Variants in LRRC4C observed in about 807,000 individuals in gnomAD.
LRRC4C encodes leucine-rich repeat-containing protein 4C.
Under a neutral mutation model 33.6 loss-of-function variants are expected in LRRC4C, and 5 were observed. The observed-to-expected ratio is 0.15, with a 90% CI of 0.08 to 0.31. The LOEUF is 0.31. Ranked by LOEUF, LRRC4C falls within the 10% of genes least tolerant of loss-of-function variation. The probability of loss-of-function intolerance (pLI) is 1.00; values close to 1 mark genes in which losing one functional copy is unlikely to be tolerated. For missense variants in LRRC4C, 560 were observed against 796.7 expected, an observed-to-expected ratio of 0.70 and a Z score of 3.58; for synonymous variants, 329 against 302.0, an observed-to-expected ratio of 1.09 and a Z score of -0.93.
At chr11:41,119,544 T>C (rs954955307) in intron 1 of LRRC4C, among the ~76,000 whole-genome samples, 47 of 152,170 alleles carry the variant, frequency 3.1e-4, no homozygotes, top group African/African-American at 1.1e-3. Context: ...TGTTGGAGAA[T>C]CCCTCAAACG....
intron 1 of LRRC4C, among the ~76,000 whole-genome samples, chr11:41,077,299 C>T (rs1939225437): frequency 6.6e-6 from 1 of 152,206 alleles, no homozygotes; most frequent in Non-Finnish European, 1.5e-5. Context: ...CACATTTCTC[C>T]TCCTCACTGA....
At chr11:40,916,053 G>A (rs987996816) in intron 2 of LRRC4C, among the ~76,000 whole-genome samples, 3 of 152,166 alleles carry the variant, frequency 2.0e-5, no homozygotes, top group African/African-American at 7.2e-5. Flanking sequence ...AACAACAGGT[G>A]CTGGAGAGGA....
chr11:41,260,305 T>C (rs1019019130), intron 1 of LRRC4C, among the ~76,000 whole-genome samples: 78 of 151,882 alleles, frequency 5.1e-4, no homozygotes, highest in African/African-American at 1.8e-3. Context: ...GCTTGGAAAA[T>C]AGGATATGTG....
At chr11:41,078,012 G>T (rs1939283539) in intron 1 of LRRC4C, among the ~76,000 whole-genome samples, 1 of 152,158 alleles carries the variant, frequency 6.6e-6, no homozygotes, top group Non-Finnish European at 1.5e-5. Context: ...TAGGGCAGGG[G>T]CAAAACGCCA....
At chr11:41,404,997 A>C (rs1448311932) in intron 1 of LRRC4C, among the ~76,000 whole-genome samples, 1 of 152,110 alleles carries the variant, frequency 6.6e-6, no homozygotes, top group African/African-American at 2.4e-5. Context: ...GCGATATTTA[A>C]ATCTTCAGTG....
At chr11:40,733,225 G>A (rs1271294062) in intron 2 of LRRC4C, among the ~76,000 whole-genome samples, 2 of 151,494 alleles carry the variant, frequency 1.3e-5, no homozygotes, top group East Asian at 2.0e-4. Context: ...ACAGGCGCCT[G>A]CCACCACACC....
intron 1 of LRRC4C, among the ~76,000 whole-genome samples, chr11:41,378,456 G>A (rs1179342250): frequency 4.6e-5 from 7 of 152,054 alleles, no homozygotes; most frequent in African/African-American, 7.2e-5. Context: ...TAGAAAACCT[G>A]TTCTAAAAGC....
At chr11:41,004,846 C>T (rs1312051454) in intron 1 of LRRC4C, among the ~76,000 whole-genome samples, 6 of 152,056 alleles carry the variant, frequency 3.9e-5, no homozygotes, top group African/African-American at 1.4e-4. Flanking sequence ...GTATACACTA[C>T]CAATGGCTCT....
intron 1 of LRRC4C, among the ~76,000 whole-genome samples, chr11:41,289,124 G>A (rs1347882921): frequency 6.6e-6 from 1 of 152,118 alleles, no homozygotes; most frequent in South Asian, 2.1e-4. Context: ...ACAGGGCATG[G>A]ATACCAGGGT....
chr11:41,019,577 A>T (rs1855817402), intron 1 of LRRC4C, among the ~76,000 whole-genome samples: 1 of 152,028 alleles, frequency 6.6e-6, no homozygotes, highest in Admixed American at 6.6e-5. Context: ...CTGACTCTAG[A>T]TCCTTGAGGA....
At chr11:40,640,860 C>G (rs1942070116) in intron 3 of LRRC4C, among the ~76,000 whole-genome samples, 2 of 151,642 alleles carry the variant, frequency 1.3e-5, no homozygotes, top group Non-Finnish European at 2.9e-5. Flanking sequence ...ACTAAAAATA[C>G]AAAAAATCAG....
intron 4 of LRRC4C, chr11:40,293,975 A>T (rs1944378635): frequency 6.6e-6 from 1 of 152,286 alleles, no homozygotes; most frequent in Non-Finnish European, 1.5e-5. Context: ...CTCCCAAATA[A>T]ATGCTCTCCC....
chr11:41,284,619 C>A (rs1029388035), intron 1 of LRRC4C, among the ~76,000 whole-genome samples: 1 of 152,196 alleles, frequency 6.6e-6, no homozygotes, highest in Non-Finnish European at 1.5e-5. Flanking sequence ...TTGTCCCCAG[C>A]AGCCCTCCCC....
chr11:41,172,604 T>C (rs1945024080), intron 1 of LRRC4C, among the ~76,000 whole-genome samples: 1 of 152,176 alleles, frequency 6.6e-6, no homozygotes, highest in Non-Finnish European at 1.5e-5. Context: ...TCTCAGCTCT[T>C]ACACCATTAA....
intron 6 of LRRC4C, among the ~76,000 whole-genome samples, chr11:40,122,876 A>G (rs1391845743): frequency 6.6e-6 from 1 of 150,694 alleles, no homozygotes; most frequent in Non-Finnish European, 1.5e-5. Context: ...CAAAACAAAT[A>G]TATATATATA....
intron 2 of LRRC4C, among the ~76,000 whole-genome samples, chr11:40,871,710 C>T (rs1191570606): frequency 6.6e-6 from 1 of 152,164 alleles, no homozygotes; most frequent in Non-Finnish European, 1.5e-5. Context: ...ACTCCCCACT[C>T]TCCTGCAGCT....
chr11:40,572,228 C>T (rs564023440), intron 3 of LRRC4C, among the ~76,000 whole-genome samples: 9 of 152,254 alleles, frequency 5.9e-5, no homozygotes, highest in East Asian at 3.9e-4. Flanking sequence ...AAAGGATAGG[C>T]TAGAAACTGT....
intron 2 of LRRC4C, among the ~76,000 whole-genome samples, chr11:40,650,027 T>C (rs1591370958): frequency 6.6e-6 from 1 of 152,228 alleles, no homozygotes; most frequent in Non-Finnish European, 1.5e-5. Flanking sequence ...ATAATTAATG[T>C]CAAAATATTT....
At chr11:40,512,061 T>C (rs1245282554) in intron 3 of LRRC4C, among the ~76,000 whole-genome samples, 1 of 152,110 alleles carries the variant, frequency 6.6e-6, no homozygotes, top group Non-Finnish European at 1.5e-5. Flanking sequence ...AAAATCCATA[T>C]AGGCCTGACC....
Sources: gnomAD v4.1 joint callset for allele counts (sites outside exome capture counted in the v4.1 genomes callset) on GRCh38, gnomAD v4.1.1 for gene constraint, MANE v1.5 for transcripts, NCBI Gene and HGNC (gene_info 2026-07-23, HGNC 2026-07-21) for gene names.